SLC25A42: variants seen among roughly 807,000 people sequenced by gnomAD.
SLC25A42 encodes the protein solute carrier family 25 member 42.
A neutral mutation model predicts 34.7 loss-of-function variants in SLC25A42; 19 were observed. That is an observed-to-expected ratio of 0.55 (90% CI 0.38 to 0.80). The LOEUF (loss-of-function observed/expected upper bound fraction) is 0.80. Ranked by LOEUF, SLC25A42 falls within the 30% of genes least tolerant of loss-of-function variation. SLC25A42 has a pLI of 0.00. For synonymous variants in SLC25A42, 205 were observed against 191.2 expected, an observed-to-expected ratio of 1.07 and a Z score of -0.59; for missense variants, 364 against 441.3, an observed-to-expected ratio of 0.82 and a Z score of 1.57.
At chr19:19,105,369 G>A (rs1374771373) in intron 4 of SLC25A42, 192 bp from the exon 5 acceptor site, 2 of 663,872 alleles carry the variant, frequency 3.0e-6, no homozygotes, top group Non-Finnish European at 5.0e-6. Flanking sequence ...AGGAAGGACG[G>A]GGCTGGGGTT....
chr19:19,083,436 C>T lies in SLC25A42; in HGVS notation c.-34-12655C>T, dbSNP rs138447772. Among the ~76,000 whole-genome samples, 903 of 152,350 alleles carry T rather than the reference C, an allele frequency of 5.9e-3. 4 individuals carry two copies. Among genetic ancestry groups the T allele is most frequent in the Middle Eastern group, 0.058 (17 of 294 alleles). The stretch of plus-strand genomic sequence containing the variant: ...CTTTGAGTGCCATTATTGAGTCTAA[C>T]GCAGCCCATTATGGTGGTCCTTAAG... On this transcript the variant is annotated intron_variant, in intron 1 of 7. Coordinates refer to ENST00000318596, the MANE Select transcript of SLC25A42 (RefSeq NM_178526.5).
chr19:19,103,619 G>A (rs1384312756), intron 3 of SLC25A42, among the ~76,000 whole-genome samples: 1 of 152,230 alleles, frequency 6.6e-6, no homozygotes, highest in African/African-American at 2.4e-5. Flanking sequence ...AGGGTCCTCT[G>A]AAGAGGTGGC....
chr19:19,085,623 T>G (rs2059704077), intron 1 of SLC25A42, among the ~76,000 whole-genome samples: 1 of 152,192 alleles, frequency 6.6e-6, no homozygotes, highest in Non-Finnish European at 1.5e-5. Context: ...AGGCCGGCCT[T>G]GGCCTCCCAA....
At chr19:19,107,132 A>G (rs1173924628) in intron 6 of SLC25A42, among the ~76,000 whole-genome samples, 1 of 152,022 alleles carries the variant, frequency 6.6e-6, no homozygotes, top group African/African-American at 2.4e-5. Flanking sequence ...AGCCTGGGCA[A>G]CATAGCAAGA....
chr19:19,072,955 C>T (rs568371102), intron 1 of SLC25A42, among the ~76,000 whole-genome samples: 1 of 152,194 alleles, frequency 6.6e-6, no homozygotes, highest in South Asian at 2.1e-4. Flanking sequence ...CCTCCTGCCT[C>T]GGCCTCCCAA....
intron 1 of SLC25A42, among the ~76,000 whole-genome samples, chr19:19,065,264 G>T (rs541415873): frequency 6.6e-6 from 1 of 152,212 alleles, no homozygotes; most frequent in Admixed American, 6.5e-5. Flanking sequence ...CGGAGAGGGG[G>T]TTGCCGGGGC....
intron 1 of SLC25A42, among the ~76,000 whole-genome samples, chr19:19,077,772 A>G (rs1216005783): frequency 6.6e-6 from 1 of 152,180 alleles, no homozygotes; most frequent in Non-Finnish European, 1.5e-5. Context: ...CTGTAATCCC[A>G]GCTACTCGGG....
intron 3 of SLC25A42, among the ~76,000 whole-genome samples, chr19:19,103,805 A>C (rs567429855): frequency 1.2e-3 from 188 of 152,280 alleles, no homozygotes; most frequent in Non-Finnish European, 1.8e-3. Context: ...CCTCCTCCGT[A>C]AAGTGGAGGC....
In SLC25A42 at chr19:19,109,772, A is replaced by C. The variant is rs2059852757; in HGVS notation, c.650-797A>C. ...TTCCTAGTTCTAAATTTACTATTACAAATGTTTAAAGTACCCCTACTGACC... is the reference window on the plus strand; with the variant it reads ...TTCCTAGTTCTAAATTTACTATTACCAATGTTTAAAGTACCCCTACTGACC... On this transcript the variant is annotated intron_variant, in intron 7 of 7. Transcript: ENST00000318596. The surrounding 1 kb of genome is among the most constrained non-coding windows in gnomAD (Gnocchi z 4.1). Among the ~76,000 whole-genome samples, 1 of 152,094 alleles carries C rather than the reference A, an allele frequency of 6.6e-6. No homozygotes were observed. Among genetic ancestry groups the C allele is most frequent in the Admixed American group, 6.6e-5 (1 of 15,266 alleles).
intron 1 of SLC25A42, among the ~76,000 whole-genome samples, chr19:19,065,833 C>G (rs557213680): frequency 6.6e-6 from 1 of 152,134 alleles, no homozygotes; most frequent in South Asian, 2.1e-4. Flanking sequence ...TGTGTATAAA[C>G]TTTGGCAAGA....
At position 19,074,208 on chromosome 19, in the gene SLC25A42, A is replaced by G. The variant is rs1024978973; in HGVS notation, c.-35+10093A>G. 2.6e-5 allele frequency among the ~76,000 whole-genome samples: 4 copies of G among 152,340 alleles called. No individual in the cohort carries two copies. The East Asian group carries it at 7.7e-4, about 29-fold the overall frequency. ...GGATCTTTCAGGGTGTTTAACCCATAGAGACCGCAACAAGGGTTGCCTTAA... is the reference window on the plus strand; with the variant it reads ...GGATCTTTCAGGGTGTTTAACCCATGGAGACCGCAACAAGGGTTGCCTTAA... On this transcript the variant is annotated intron_variant, in intron 1 of 7. Coordinates refer to ENST00000318596, the MANE Select transcript of SLC25A42 (RefSeq NM_178526.5).
intron 4 of SLC25A42, 115 bp from the exon 5 acceptor site, chr19:19,105,445 TG>T: frequency 7.9e-7 from 1 of 1,263,042 alleles, no homozygotes; most frequent in Non-Finnish European, 1.1e-6. Flanking sequence ...GTGCTGTGCA[TG>T]GAGATGGGGT....
In SLC25A42 at chr19:19,105,358, G is replaced by C. The variant is rs557828775; in HGVS notation, c.214-203G>C. 772 of 635,198 alleles carry C rather than the reference G, an allele frequency of 1.2e-3. 2 individuals carry two copies. Among genetic ancestry groups the C allele is most frequent in the Non-Finnish European group, 1.8e-3 (690 of 377,554 alleles). The allele number at this position is 635,198 out of a possible 1,614,324, so 39.3% of individuals were successfully genotyped here. On this transcript the variant is annotated intron_variant, in intron 4 of 7. Coordinates refer to ENST00000318596, the MANE Select transcript of SLC25A42 (RefSeq NM_178526.5). ...GGGTGGGAGGCCCAGAAAACATAGG[G>C]AGGAAGGACGGGGCTGGGGTTGATA...
rs916039520 is a variant in SLC25A42, at chr19:19,064,068, C to CG, written c.-75dup. 15 of 152,476 alleles carry CG rather than the reference C, an allele frequency of 9.8e-5. 1 individual carries two copies. The highest frequency in any genetic ancestry group is 3.9e-4 in the Admixed American group (6 of 15,256). 9.4% of individuals were successfully genotyped at this position (152,476 alleles called of 1,614,324 possible). A position where few individuals can be genotyped will look rare whatever the true frequency, so the allele number is the denominator to read the frequency against. On this transcript the variant is annotated 5_prime_UTR_variant, in exon 1 of 8. Transcript: ENST00000318596. ...GCCGGTGAGGGGGCGCGGGGGGCGC[C>CG]GGGGGGGCCCAAGCGTCAGCGGCCC... is the stretch of plus-strand genomic sequence containing the variant.
intron 1 of SLC25A42, among the ~76,000 whole-genome samples, chr19:19,077,938 T>A (rs1373017234): frequency 1.3e-5 from 2 of 152,200 alleles, no homozygotes; most frequent in African/African-American, 4.8e-5. Flanking sequence ...CTTCTGCCTC[T>A]TCACTGGTGT....
At chr19:19,105,886 C>A in intron 5 of SLC25A42, 159 bp downstream of exon 5, 1 of 644,552 alleles carries the variant, frequency 1.6e-6, no homozygotes, top group Non-Finnish European at 2.6e-6. Flanking sequence ...CCCAGGCCCT[C>A]CTGAGGGACC....
In SLC25A42 at chr19:19,110,691, G is replaced by A; in HGVS notation, c.772G>A (p.Gly258Ser). 6.3e-7 allele frequency: 1 copy of A among 1,582,298 alleles called. No homozygotes were observed. Among genetic ancestry groups the A allele is most frequent in the Non-Finnish European group, 8.6e-7 (1 of 1,165,524 alleles). Residue 258 changes from glycine (G) to serine (S), a missense_variant, in exon 8 of 8, where the codon GGC (glycine) becomes AGC (serine). Physicochemically the swap from Gly to Ser is moderately conservative, Grantham distance 56. Coordinates refer to ENST00000318596, the MANE Select transcript of SLC25A42 (RefSeq NM_178526.5). ...GGTGCGGCGGCGCATGCAGACGGCC[G>A]GCGTCACGGGCTACCCGCGCGCCTC... ...DVVRRRMQTAGVTGYPRASIA... is the reference protein window; with the variant it reads ...DVVRRRMQTASVTGYPRASIA...
At chr19:19,088,517 T>G (rs955796737) in intron 1 of SLC25A42, among the ~76,000 whole-genome samples, 2 of 150,262 alleles carry the variant, frequency 1.3e-5, no homozygotes, top group African/African-American at 4.9e-5. Context: ...GAGACGGAGT[T>G]TCACTCTGGT....
chr19:19,096,302 AC>A (rs1189648693), intron 2 of SLC25A42, 97 bp downstream of exon 2: 3 of 780,812 alleles, frequency 3.8e-6, no homozygotes, highest in Non-Finnish European at 5.8e-6. Flanking sequence ...CAGCCTCTGC[AC>A]CCCCTCCAAA....
Sources: allele counts gnomAD v4.1 joint callset (sites outside exome capture counted in the v4.1 genomes callset), GRCh38; gene constraint gnomAD v4.1.1; non-coding constraint Gnocchi (gnomAD v3.1); transcripts MANE v1.5; gene names NCBI Gene and HGNC (gene_info 2026-07-23, HGNC 2026-07-21).